The following PDE10A variants were observed in gnomAD, a reference collection of about 807,000 sequenced individuals.
PDE10A encodes the protein cAMP and cAMP-inhibited cGMP 3',5'-cyclic phosphodiesterase 10A.
Under a neutral mutation model 97.7 loss-of-function variants are expected in PDE10A, and 39 were observed. That is an observed-to-expected ratio of 0.40 (90% confidence interval 0.31 to 0.52). The LOEUF is 0.52. Ranked by LOEUF, PDE10A falls within the 20% of genes least tolerant of loss-of-function variation. PDE10A has a pLI of 0.56. For missense variants in PDE10A, 731 were observed against 1,047.8 expected, an observed-to-expected ratio of 0.70 and a Z score of 4.17; for synonymous variants, 371 against 376.8, an observed-to-expected ratio of 0.98 and a Z score of 0.18.
At chr6:165,903,437 G>T (rs947853258) in intron 1 of PDE10A, among the ~76,000 whole-genome samples, 1 of 152,126 alleles carries the variant, frequency 6.6e-6, no homozygotes, top group Non-Finnish European at 1.5e-5. Flanking sequence ...AATGTGATGG[G>T]TACAGGGAAG....
intron 1 of PDE10A, among the ~76,000 whole-genome samples, chr6:165,817,317 GTCAAGTGT>G (rs1779445951): frequency 6.6e-6 from 1 of 152,114 alleles, no homozygotes; most frequent in Non-Finnish European, 1.5e-5. Context: ...GCCCCATAGG[GTCAAGTGT>G]CCATCCCTAG....
chr6:165,872,507 G>C (rs1781230806), intron 1 of PDE10A, among the ~76,000 whole-genome samples: 1 of 152,146 alleles, frequency 6.6e-6, no homozygotes, highest in Admixed American at 6.5e-5. Context: ...CAGTGTGGGG[G>C]GAATTGTCCC....
chr6:165,596,005 G>A (rs1328325381), intron 1 of PDE10A, among the ~76,000 whole-genome samples: 1 of 152,152 alleles, frequency 6.6e-6, no homozygotes, highest in African/African-American at 2.4e-5. Flanking sequence ...CTAATACAGT[G>A]TTGAGAAATA....
intron 10 of PDE10A, among the ~76,000 whole-genome samples, chr6:165,424,866 A>G (rs960622690): frequency 1.3e-5 from 2 of 152,180 alleles, no homozygotes; most frequent in Non-Finnish European, 2.9e-5. Context: ...CCCAACACCA[A>G]ATCAGATGCA....
intron 1 of PDE10A, among the ~76,000 whole-genome samples, chr6:165,782,594 C>A (rs1380287267): frequency 6.6e-6 from 1 of 152,240 alleles, no homozygotes; most frequent in Non-Finnish European, 1.5e-5. Context: ...CAACCCTCCC[C>A]TGACATTTCC....
At chr6:165,835,788 G>C (rs1562760339) in intron 1 of PDE10A, among the ~76,000 whole-genome samples, 4 of 152,178 alleles carry the variant, frequency 2.6e-5, no homozygotes, top group Admixed American at 1.3e-4. Flanking sequence ...GGAGGAGGGG[G>C]AGCGTTTCCT....
intron 1 of PDE10A, among the ~76,000 whole-genome samples, chr6:165,762,006 CAA>C (rs921982101): frequency 6.6e-6 from 1 of 152,190 alleles, no homozygotes; most frequent in African/African-American, 2.4e-5. Flanking sequence ...TAAAACTCAA[CAA>C]AGTTACCTTT....
intron 18 of PDE10A, among the ~76,000 whole-genome samples, chr6:165,373,927 T>C (rs1784435704): frequency 1.3e-5 from 2 of 151,724 alleles, no homozygotes; most frequent in African/African-American, 4.8e-5. Flanking sequence ...TCATGTCCTT[T>C]GTAGGGACAT....
rs1385798481 is a variant in PDE10A at position 165,332,090 on chromosome 6, G to A, written c.*935C>T. 2 of 152,138 alleles carry A rather than the reference G, an allele frequency of 1.3e-5. No individual in the cohort carries two copies. The highest frequency in any genetic ancestry group is 2.9e-5 in the Non-Finnish European group (2 of 68,020). The allele number at this position is 152,138 out of a possible 1,614,324, so 9.4% of individuals were successfully genotyped here. A position where few individuals can be genotyped will look rare whatever the true frequency, so the allele number is the denominator to read the frequency against. On this transcript the variant is annotated 3_prime_UTR_variant, in exon 22 of 22. Coordinates refer to ENST00000539869, the MANE Select transcript of PDE10A (RefSeq NM_001385079.1). ...AAAATAAACTTTTCATTGTGAATGA[G>A]AGTCTAAAATTCTGCAATGACACAA...
At chr6:165,666,285 A>G (rs2128434676), upstream of PDE10A, among the ~76,000 whole-genome samples, 1 of 152,344 alleles carries the variant, frequency 6.6e-6, no homozygotes, top group South Asian at 2.1e-4. Flanking sequence ...CCTTTTTTAA[A>G]TAATAACCTT....
chr6:165,481,286 T>C (rs1387147454), intron 3 of PDE10A, among the ~76,000 whole-genome samples: 1 of 152,112 alleles, frequency 6.6e-6, no homozygotes, highest in East Asian at 1.9e-4. Flanking sequence ...AACTCTTCAA[T>C]TGTGAGTTCC....
chr6:165,558,866 G>A (rs1416157679), intron 1 of PDE10A, among the ~76,000 whole-genome samples: 1 of 152,170 alleles, frequency 6.6e-6, no homozygotes, highest in African/African-American at 2.4e-5. Context: ...ACGAGTTAAT[G>A]AGTGCAGCAC....
At chr6:165,766,810 T>C (rs1034839607) in intron 1 of PDE10A, among the ~76,000 whole-genome samples, 6 of 152,212 alleles carry the variant, frequency 3.9e-5, no homozygotes, top group African/African-American at 1.4e-4. Flanking sequence ...ATGTGTTTAG[T>C]AGTTTGCCAT....
intron 1 of PDE10A, among the ~76,000 whole-genome samples, chr6:165,695,635 A>G (rs1791425188): frequency 1.3e-5 from 2 of 152,208 alleles, no homozygotes; most frequent in Admixed American, 1.3e-4. Flanking sequence ...GTATCTTCGC[A>G]GAGGAACTGA....
At chr6:165,714,866 G>A (rs1349847286) in intron 1 of PDE10A, among the ~76,000 whole-genome samples, 1 of 152,224 alleles carries the variant, frequency 6.6e-6, no homozygotes, top group Non-Finnish European at 1.5e-5. Context: ...TGTTGAACCT[G>A]GGGACAATGG....
chr6:165,419,124 TC>T (rs1020523597), intron 10 of PDE10A, among the ~76,000 whole-genome samples: 3 of 152,164 alleles, frequency 2.0e-5, no homozygotes, highest in Non-Finnish European at 4.4e-5. Context: ...CCTTCTGCCA[TC>T]CAAGGCCCTC....
At chr6:165,421,184 G>A (rs1369906726) in intron 10 of PDE10A, among the ~76,000 whole-genome samples, 1 of 152,186 alleles carries the variant, frequency 6.6e-6, no homozygotes, top group African/African-American at 2.4e-5. Context: ...GCTCATGCCT[G>A]TAATCCCAGC....
At chr6:165,411,676 T>G (rs142214163) in intron 13 of PDE10A, among the ~76,000 whole-genome samples, 1,696 of 152,352 alleles carry the variant, frequency 0.011, 23 homozygotes, top group Admixed American at 0.018. Flanking sequence ...TAAGATAATG[T>G]CCTTGTTTTT....
intron 3 of PDE10A, among the ~76,000 whole-genome samples, chr6:165,454,246 T>C (rs1258394708): frequency 6.6e-6 from 1 of 152,226 alleles, no homozygotes; most frequent in Non-Finnish European, 1.5e-5. Flanking sequence ...TCAGGACGAA[T>C]TGTCCCTTGA....
Sources: allele counts gnomAD v4.1 joint callset (sites outside exome capture counted in the v4.1 genomes callset), GRCh38; gene constraint gnomAD v4.1.1; transcripts MANE v1.5; gene names NCBI Gene and HGNC (gene_info 2026-07-23, HGNC 2026-07-21).